Variants in SPECC1L observed in about 807,000 individuals in gnomAD.
The protein encoded by SPECC1L is cytospin-A.
Under a neutral mutation model 116.8 loss-of-function variants are expected in SPECC1L, and 40 were observed. The ratio of observed to expected loss-of-function variants is 0.34; its 90% CI spans 0.27 to 0.45. The LOEUF (loss-of-function observed/expected upper bound fraction) is 0.45. SPECC1L is among the 20% of genes least tolerant of loss of function. SPECC1L has a pLI of 1.00. For synonymous variants in SPECC1L, 504 were observed against 500.6 expected (o/e 1.01, Z -0.09); for missense variants, 1,110 against 1,373.6 (o/e 0.81, Z 3.03).
intron 2 of SPECC1L, among the ~76,000 whole-genome samples, chr22:24,301,576 T>C (rs1049524118): frequency 4.6e-5 from 7 of 152,202 alleles, no homozygotes; most frequent in African/African-American, 1.4e-4. Flanking sequence ...GAATATCTTA[T>C]GTAATTTATT....
intron 11 of SPECC1L, among the ~76,000 whole-genome samples, chr22:24,356,831 A>C (rs983758454): frequency 3.3e-5 from 5 of 151,894 alleles, no homozygotes; most frequent in African/African-American, 9.7e-5. Flanking sequence ...AAATTCTTTC[A>C]GTGGTTGCCT....
chr22:24,324,591 C>CT (rs1387820589), intron 6 of SPECC1L, among the ~76,000 whole-genome samples, 164 bp downstream of exon 6: 2 of 152,216 alleles, frequency 1.3e-5, no homozygotes, highest in Non-Finnish European at 2.9e-5. Flanking sequence ...TGGCTCACAC[C>CT]TGTAATCCCA....
At chr22:24,282,148 G>C (rs887222875) in intron 2 of SPECC1L, among the ~76,000 whole-genome samples, 5 of 152,320 alleles carry the variant, frequency 3.3e-5, no homozygotes, top group African/African-American at 2.4e-5. Flanking sequence ...TAATCGATCT[G>C]GATGGTGCCA....
chr22:24,383,783 C>G (rs2042104295), intron 14 of SPECC1L, among the ~76,000 whole-genome samples: 1 of 118,784 alleles, frequency 8.4e-6, no homozygotes. Context: ...ATTACAGGCA[C>G]CCACCACTAT....
At chr22:24,392,171 TC>T (rs2042286506) in intron 14 of SPECC1L, among the ~76,000 whole-genome samples, 1 of 152,204 alleles carries the variant, frequency 6.6e-6, no homozygotes, top group South Asian at 2.1e-4. Flanking sequence ...CACGGCAGTG[TC>T]CCAGACTCTT....
At chr22:24,375,539 A>G (rs930234023) in intron 14 of SPECC1L, among the ~76,000 whole-genome samples, 1 of 152,232 alleles carries the variant, frequency 6.6e-6, no homozygotes, top group African/African-American at 2.4e-5. Flanking sequence ...TAAAGGGGAA[A>G]AAACCGCATG....
intron 14 of SPECC1L, among the ~76,000 whole-genome samples, chr22:24,406,978 C>T (rs1186844678): frequency 4.6e-5 from 7 of 152,176 alleles, no homozygotes; most frequent in Non-Finnish European, 8.8e-5. Flanking sequence ...ACCCCTTTTT[C>T]AGAGCCCGGC....
At chr22:24,332,773 TTA>T (rs1360577645) in intron 8 of SPECC1L, among the ~76,000 whole-genome samples, 1 of 152,308 alleles carries the variant, frequency 6.6e-6, no homozygotes, top group South Asian at 2.1e-4. Context: ...GTATTTATTT[TTA>T]TTTTTAGATG....
At chr22:24,297,920 G>C (rs1173808721) in intron 2 of SPECC1L, among the ~76,000 whole-genome samples, 1 of 152,176 alleles carries the variant, frequency 6.6e-6, no homozygotes, top group Non-Finnish European at 1.5e-5. Flanking sequence ...CACAGTGCAG[G>C]AGTAGTGATG....
chr22:24,395,799 T>C (rs2042356421), intron 14 of SPECC1L, among the ~76,000 whole-genome samples: 1 of 152,108 alleles, frequency 6.6e-6, no homozygotes, highest in African/African-American at 2.4e-5. Flanking sequence ...CCACCACGTC[T>C]GGCTAATTTT....
Position 24,338,366 on chromosome 22 carries a change from T to G in SPECC1L, c.2561-20T>G, listed in dbSNP as rs755347251. 1 of 1,612,526 alleles carries G rather than the reference T, an allele frequency of 6.2e-7. No homozygotes were observed. Among genetic ancestry groups the G allele is most frequent in the South Asian group, 1.1e-5 (1 of 91,052 alleles). ...ACTGTACAGTGACATTATTTCCCTT[T>G]TTGTTTGTTGTTTTTGTAGTACCAA... On this transcript the variant is annotated intron_variant, in intron 9 of 16. Coordinates refer to ENST00000314328, the MANE Select transcript of SPECC1L (RefSeq NM_015330.6).
chr22:24,306,288 C>T (rs138545265), intron 3 of SPECC1L, among the ~76,000 whole-genome samples: 13 of 152,006 alleles, frequency 8.6e-5, no homozygotes, highest in East Asian at 3.9e-4. Context: ...CCCATTTTTC[C>T]GTTGTCTTTT....
chr22:24,335,658 A>G (rs1263026387), intron 9 of SPECC1L, among the ~76,000 whole-genome samples: 1 of 152,206 alleles, frequency 6.6e-6, no homozygotes, highest in African/African-American at 2.4e-5. Flanking sequence ...TACACAAATG[A>G]GTTTTCATTG....
intron 8 of SPECC1L, among the ~76,000 whole-genome samples, chr22:24,333,549 G>C (rs2040981982): frequency 1.3e-5 from 2 of 151,032 alleles, no homozygotes; most frequent in African/African-American, 4.9e-5. Flanking sequence ...TTACTAATAT[G>C]GGTCTAGGCT....
chr22:24,328,646 T>G (rs2040876287), intron 6 of SPECC1L, among the ~76,000 whole-genome samples, 200 bp from the exon 7 acceptor site: 1 of 152,236 alleles, frequency 6.6e-6, no homozygotes, highest in Admixed American at 6.5e-5. Context: ...GATTTTTAAC[T>G]TGATATTTTC....
In SPECC1L at chr22:24,298,727, C is replaced by T. The variant is rs186737782; in HGVS notation, c.-37-3468C>T. The stretch of plus-strand genomic sequence containing the variant: ...AGCAGTCAGGTGGGAGGGGCTCCCT[C>T]TTACTTAGCCTTTTTGTTTTATTCA... On this transcript the variant is annotated intron_variant, in intron 2 of 16. Coordinates refer to ENST00000314328, the MANE Select transcript of SPECC1L (RefSeq NM_015330.6). 2.6e-5 allele frequency among the ~76,000 whole-genome samples: 4 copies of T among 152,348 alleles called. No homozygotes were observed. The East Asian group carries it at 5.8e-4, about 22-fold the overall frequency.
intron 14 of SPECC1L, among the ~76,000 whole-genome samples, chr22:24,387,721 A>G (rs115340328): frequency 0.042 from 6,374 of 152,152 alleles, 450 homozygotes; most frequent in African/African-American, 0.15. Context: ...TTTGTTTTCT[A>G]TTACTATTGA....
Position 24,415,087 on chromosome 22 carries a change from G to A in SPECC1L, c.*464G>A, listed in dbSNP as rs146453755. On this transcript the variant is annotated 3_prime_UTR_variant, in exon 17 of 17. Coordinates refer to ENST00000314328, the MANE Select transcript of SPECC1L (RefSeq NM_015330.6). ...GTGAGAACCCAGAAGGAGAGTCAGC[G>A]CCTGGCAGTTCCCAGCGCCCTGGGC... The A allele has an allele frequency of 5.6e-3, 1,279 of 226,794 alleles. 17 individuals are homozygous for A. Among genetic ancestry groups the A allele is most frequent in the African/African-American group, 0.026 (1,168 of 44,648 alleles). The allele number at this position is 226,794 out of a possible 1,614,324, so 14.0% of individuals were successfully genotyped here.
At chr22:24,316,560 A>G (rs1476762716) in intron 4 of SPECC1L, among the ~76,000 whole-genome samples, 3 of 150,334 alleles carry the variant, frequency 2.0e-5, no homozygotes, top group Non-Finnish European at 4.4e-5. Context: ...CCCTGAGTGG[A>G]CACAGCACAT....
Sources: gnomAD v4.1 joint callset for allele counts (sites outside exome capture counted in the v4.1 genomes callset) on GRCh38, gnomAD v4.1.1 for gene constraint, MANE v1.5 for transcripts, NCBI Gene and HGNC (gene_info 2026-07-23, HGNC 2026-07-21) for gene names.